Variants in GRIK2 observed in about 807,000 individuals in gnomAD.
GRIK2 encodes the protein glutamate receptor ionotropic, kainate 2.
Under a neutral mutation model 100.3 loss-of-function variants are expected in GRIK2, and 32 were observed. That is an observed-to-expected ratio of 0.32 (90% CI 0.24 to 0.43). GRIK2 has a LOEUF of 0.43. GRIK2 is among the 20% of genes least tolerant of loss of function. The probability of loss-of-function intolerance (pLI) is 1.00; values close to 1 mark genes in which losing one functional copy is unlikely to be tolerated. For synonymous variants in GRIK2, 417 were observed against 389.4 expected, an observed-to-expected ratio of 1.07 and a Z score of -0.83; for missense variants, 843 against 1,114.9, an observed-to-expected ratio of 0.76 and a Z score of 3.47.
chr6:101,926,605 A>G (rs1398259029), intron 13 of GRIK2, among the ~76,000 whole-genome samples: 1 of 152,196 alleles, frequency 6.6e-6, no homozygotes, highest in African/African-American at 2.4e-5. Context: ...GAAGATAATG[A>G]CAAGCAATTC....
rs550037633 is a variant in GRIK2 at position 101,630,338 on chromosome 6, C to T, written c.541+3701C>T. Among the ~76,000 whole-genome samples, 83 of 152,030 alleles carry T rather than the reference C, an allele frequency of 5.5e-4. 1 individual carries two copies. The highest frequency in any genetic ancestry group is 9.0e-4 in the Non-Finnish European group (61 of 67,952). Reference sequence around the variant, plus strand: ...TAATTTACATTCCCACCAAACTGTACAAGCATTCCTTTTTCTCTGCAACCT... The same window carrying T: ...TAATTTACATTCCCACCAAACTGTATAAGCATTCCTTTTTCTCTGCAACCT... On this transcript the variant is annotated intron_variant, in intron 4 of 16. Transcript: ENST00000369134.
intron 7 of GRIK2, among the ~76,000 whole-genome samples, chr6:101,738,485 C>T (rs1192113863): frequency 2.6e-5 from 4 of 151,990 alleles, no homozygotes; most frequent in Non-Finnish European, 5.9e-5. Flanking sequence ...TGTATTTTTC[C>T]CCTGAGGATT....
intron 4 of GRIK2, among the ~76,000 whole-genome samples, chr6:101,636,595 C>G (rs1259507987): frequency 6.6e-6 from 1 of 151,752 alleles, no homozygotes; most frequent in Non-Finnish European, 1.5e-5. Flanking sequence ...GTTTTAAAAC[C>G]TTTAAAATAT....
intron 2 of GRIK2, among the ~76,000 whole-genome samples, chr6:101,577,355 A>C (rs659173): frequency 0.36 from 54,510 of 151,914 alleles, 10,779 homozygotes; most frequent in African/African-American, 0.54. Flanking sequence ...AACAGCATTC[A>C]TTGAATGCTT....
chr6:101,936,117 G>A (rs1047676906), intron 14 of GRIK2, among the ~76,000 whole-genome samples: 2 of 151,704 alleles, frequency 1.3e-5, no homozygotes, highest in South Asian at 4.2e-4. Flanking sequence ...AAAGCTTGAT[G>A]TGGTTGATCA....
intron 7 of GRIK2, among the ~76,000 whole-genome samples, chr6:101,753,325 C>A (rs1033546732): frequency 4.6e-5 from 7 of 151,138 alleles, no homozygotes; most frequent in Admixed American, 6.6e-5. Context: ...ATCACCATGT[C>A]CAACTTCCAA....
intron 2 of GRIK2, among the ~76,000 whole-genome samples, chr6:101,500,438 C>G (rs1773686583): frequency 6.6e-6 from 1 of 151,990 alleles, no homozygotes; most frequent in South Asian, 2.1e-4. Context: ...TTTTATAGAA[C>G]TAAATTTAAT....
intron 14 of GRIK2, among the ~76,000 whole-genome samples, chr6:101,934,450 A>C (rs180721269): frequency 6.6e-6 from 1 of 151,890 alleles, no homozygotes; most frequent in Non-Finnish European, 1.5e-5. Flanking sequence ...GTGATTGTAT[A>C]TGATAGTATA....
chr6:101,620,979 C>T (rs948644250), intron 2 of GRIK2, among the ~76,000 whole-genome samples: 1 of 152,114 alleles, frequency 6.6e-6, no homozygotes, highest in Non-Finnish European at 1.5e-5. Context: ...TAAAATTATA[C>T]TCTATGGCCA....
At chr6:101,828,380 A>C (rs1782468772) in intron 10 of GRIK2, among the ~76,000 whole-genome samples, 1 of 152,116 alleles carries the variant, frequency 6.6e-6, no homozygotes, top group Admixed American at 6.6e-5. Context: ...TAGAAAAACA[A>C]GAACAAACTA....
At chr6:101,860,401 A>T (rs1784668009) in intron 11 of GRIK2, among the ~76,000 whole-genome samples, 1 of 152,198 alleles carries the variant, frequency 6.6e-6, no homozygotes, top group Non-Finnish European at 1.5e-5. Flanking sequence ...CCAATGGGAT[A>T]TAGGAGAAGT....
At chr6:101,493,297 C>T (rs981796931) in intron 2 of GRIK2, among the ~76,000 whole-genome samples, 1 of 151,634 alleles carries the variant, frequency 6.6e-6, no homozygotes, top group African/African-American at 2.4e-5. Context: ...AAAGAAATTC[C>T]CTAAACACAT....
At chr6:101,430,255 A>C (rs1179803796) in intron 2 of GRIK2, among the ~76,000 whole-genome samples, 1 of 152,226 alleles carries the variant, frequency 6.6e-6, no homozygotes, top group Admixed American at 6.5e-5. Flanking sequence ...ACAAAGTCAA[A>C]ATCAGCAGCA....
At chr6:102,048,092 T>C (rs1170415835) in intron 15 of GRIK2, among the ~76,000 whole-genome samples, 1 of 150,848 alleles carries the variant, frequency 6.6e-6, no homozygotes, top group Non-Finnish European at 1.5e-5. Context: ...GTCAAAACTA[T>C]CAAGAACACC....
At chr6:101,694,966 A>G (rs1397052970) in intron 7 of GRIK2, among the ~76,000 whole-genome samples, 2 of 149,750 alleles carry the variant, frequency 1.3e-5, no homozygotes, top group Admixed American at 6.7e-5. Flanking sequence ...ATATGATTTT[A>G]TATAAATATA....
chr6:101,468,993 T>C (rs1485608841), intron 2 of GRIK2, among the ~76,000 whole-genome samples: 1 of 152,096 alleles, frequency 6.6e-6, no homozygotes. Context: ...TCAGTTCTAG[T>C]GAAGACATTG....
chr6:101,935,363 T>C (rs776037507), intron 14 of GRIK2, among the ~76,000 whole-genome samples: 17 of 151,934 alleles, frequency 1.1e-4, no homozygotes, highest in Non-Finnish European at 2.4e-4. Context: ...CACTTGTGTT[T>C]CTCAGAGATG....
chr6:101,686,479 C>T, intron 7 of GRIK2, 126 bp downstream of exon 7: 1 of 641,016 alleles, frequency 1.6e-6, no homozygotes, highest in South Asian at 2.4e-5. Flanking sequence ...AGCAAAATAT[C>T]AGAGCTACAA....
Position 101,421,136 on chromosome 6 carries a change from G to A in GRIK2, c.115+21744G>A, listed in dbSNP as rs9498585. Among the ~76,000 whole-genome samples the A allele has an allele frequency of 6.2e-4, 94 of 152,170 alleles. 1 individual carries two copies. The highest frequency in any genetic ancestry group is 2.3e-3 in the African/African-American group (94 of 41,434). The stretch of plus-strand genomic sequence containing the variant: ...ACACTAAGTCCACTTCTCAGCATGG[G>A]ACAACTCGGGATGTCTAAGGTAGGG... On this transcript the variant is annotated intron_variant, in intron 2 of 16. Coordinates refer to ENST00000369134, the MANE Select transcript of GRIK2 (RefSeq NM_021956.5).
Sources: gnomAD v4.1 joint callset for allele counts (sites outside exome capture counted in the v4.1 genomes callset) on GRCh38, gnomAD v4.1.1 for gene constraint, MANE v1.5 for transcripts, NCBI Gene and HGNC (gene_info 2026-07-23, HGNC 2026-07-21) for gene names.